The following ZFPM2 variants were observed in gnomAD, a reference collection of about 807,000 sequenced individuals.
ZFPM2 encodes zinc finger protein, FOG family member 2, also known as zinc finger protein ZFPM2.
A neutral mutation model predicts 98.6 loss-of-function variants in ZFPM2; 20 were observed. The observed-to-expected ratio is 0.20, with a 90% CI of 0.14 to 0.29. The LOEUF is 0.29. Among genes scored for constraint, ZFPM2 ranks in the 10% least tolerant of loss-of-function variants. The probability of loss-of-function intolerance (pLI) is 1.00; values close to 1 mark genes in which losing one functional copy is unlikely to be tolerated. For missense variants in ZFPM2, 1,310 were observed against 1,388.6 expected, an observed-to-expected ratio of 0.94 and a Z score of 0.90; for synonymous variants, 518 against 502.7, an observed-to-expected ratio of 1.03 and a Z score of -0.41.
chr8:105,619,783 T>C (rs931551937), intron 4 of ZFPM2, among the ~76,000 whole-genome samples: 7 of 151,908 alleles, frequency 4.6e-5, no homozygotes, highest in African/African-American at 1.7e-4. Flanking sequence ...CATGCGGTGT[T>C]TGGTTTTCTG....
rs1318734938 is a variant in ZFPM2 at position 105,803,930 on chromosome 8, CTTGA to C, written c.*395_*398del. On this transcript the variant is annotated 3_prime_UTR_variant, in exon 8 of 8. Coordinates refer to ENST00000407775, the MANE Select transcript of ZFPM2 (RefSeq NM_012082.4). ...AATAGCTTCAAAAGCACTTGTGTAT[CTTGA>C]TTTTTTCTTATATGCTGTTGCAGAT... 1 of 164,734 alleles carries C rather than the reference CTTGA, an allele frequency of 6.1e-6. No homozygotes were observed. The highest frequency in any genetic ancestry group is 2.4e-5 in the African/African-American group (1 of 41,556). The allele number at this position is 164,734 out of a possible 1,614,324, so 10.2% of individuals were successfully genotyped here.
At chr8:105,451,949 G>A (rs192264675) in intron 3 of ZFPM2, among the ~76,000 whole-genome samples, 18 of 152,206 alleles carry the variant, frequency 1.2e-4, no homozygotes, top group African/African-American at 4.1e-4. Context: ...AAACTGTGTT[G>A]AAACCTTCAA....
intron 4 of ZFPM2, among the ~76,000 whole-genome samples, chr8:105,590,026 A>G (rs182602032): frequency 3.9e-4 from 59 of 152,108 alleles, no homozygotes; most frequent in Middle Eastern, 3.4e-3. Context: ...GGCTTCTTTA[A>G]TTCATTTTCT....
chr8:105,747,196 C>T (rs1006910131), intron 5 of ZFPM2, among the ~76,000 whole-genome samples: 3 of 152,030 alleles, frequency 2.0e-5, no homozygotes, highest in South Asian at 2.1e-4. Flanking sequence ...CACTTCACTG[C>T]TCCCCTTGCC....
At chr8:105,696,915 A>G (rs1811031286) in intron 5 of ZFPM2, among the ~76,000 whole-genome samples, 1 of 152,218 alleles carries the variant, frequency 6.6e-6, no homozygotes, top group South Asian at 2.1e-4. Flanking sequence ...TCAGATAAAT[A>G]AATTGGGGTA....
chr8:105,404,910 A>C (rs1371902734), intron 1 of ZFPM2, among the ~76,000 whole-genome samples: 1 of 152,110 alleles, frequency 6.6e-6, no homozygotes, highest in Non-Finnish European at 1.5e-5. Context: ...TCCAGAACCT[A>C]ATTTAGAGCT....
chr8:105,576,869 T>C (rs981046885), intron 4 of ZFPM2, among the ~76,000 whole-genome samples: 4 of 152,116 alleles, frequency 2.6e-5, no homozygotes, highest in Non-Finnish European at 4.4e-5. Flanking sequence ...TAACTAAATC[T>C]CCAGCCATAT....
chr8:105,557,252 C>G (rs1815016387), intron 3 of ZFPM2, among the ~76,000 whole-genome samples: 1 of 152,092 alleles, frequency 6.6e-6, no homozygotes. Flanking sequence ...ACTCTTTAAT[C>G]CTATGGCTTG....
chr8:105,476,015 T>G (rs1813005981), intron 3 of ZFPM2, among the ~76,000 whole-genome samples: 1 of 152,236 alleles, frequency 6.6e-6, no homozygotes, highest in Non-Finnish European at 1.5e-5. Context: ...GATATTTTTT[T>G]GAAACCTCTA....
At chr8:105,608,723 T>G (rs1232106975) in intron 4 of ZFPM2, among the ~76,000 whole-genome samples, 1 of 151,096 alleles carries the variant, frequency 6.6e-6, no homozygotes, top group Non-Finnish European at 1.5e-5. Context: ...GAAATACAAA[T>G]ATCCAGGAAG....
At chr8:105,449,308 A>G (rs180946448) in intron 3 of ZFPM2, among the ~76,000 whole-genome samples, 1 of 152,150 alleles carries the variant, frequency 6.6e-6, no homozygotes, top group East Asian at 1.9e-4. Context: ...AAGTACATGT[A>G]CCCACCCCCA....
At chr8:105,528,054 A>G (rs1814213530) in intron 3 of ZFPM2, among the ~76,000 whole-genome samples, 1 of 152,168 alleles carries the variant, frequency 6.6e-6, no homozygotes, top group South Asian at 2.1e-4. Flanking sequence ...GGGAGATAGA[A>G]TGTAAACTAG....
chr8:105,680,594 T>G (rs1810578808), intron 5 of ZFPM2, among the ~76,000 whole-genome samples: 3 of 152,162 alleles, frequency 2.0e-5, no homozygotes, highest in African/African-American at 7.2e-5. Context: ...TAGTATTGCC[T>G]TTATTTTGTA....
Position 105,586,495 on chromosome 8 carries a change from T to C in ZFPM2, c.420+25014T>C, listed in dbSNP as rs182637833. 1.8e-3 allele frequency among the ~76,000 whole-genome samples: 269 copies of C among 152,276 alleles called. 2 individuals carry two copies. Among genetic ancestry groups the C allele is most frequent in the Admixed American group, 3.3e-3 (51 of 15,296 alleles). ...TGGAGTGCAGCGGCACAATCTTGGC[T>C]CACTGCAACCTCTGCCTCCTAGATT... is the stretch of plus-strand genomic sequence containing the variant. On this transcript the variant is annotated intron_variant, in intron 4 of 7. Coordinates refer to ENST00000407775, the MANE Select transcript of ZFPM2 (RefSeq NM_012082.4).
At chr8:105,669,236 A>G (rs1817543450) in intron 5 of ZFPM2, among the ~76,000 whole-genome samples, 3 of 152,078 alleles carry the variant, frequency 2.0e-5, no homozygotes, top group South Asian at 2.1e-4. Flanking sequence ...ACAGTCTTCA[A>G]TACATATATA....
chr8:105,769,011 C>G (rs559676450), intron 5 of ZFPM2, among the ~76,000 whole-genome samples: 44 of 151,854 alleles, frequency 2.9e-4, no homozygotes, highest in Admixed American at 2.0e-3. Flanking sequence ...AAAAATGTAC[C>G]TAGAGATTTG....
chr8:105,698,684 A>G (rs955191126), intron 5 of ZFPM2, among the ~76,000 whole-genome samples: 15 of 152,164 alleles, frequency 9.9e-5, no homozygotes, highest in African/African-American at 3.6e-4. Context: ...AAACAAAAAG[A>G]CTTTTGAAGA....
intron 2 of ZFPM2, among the ~76,000 whole-genome samples, chr8:105,442,468 A>G (rs1812274064): frequency 6.6e-6 from 1 of 152,214 alleles, no homozygotes; most frequent in Non-Finnish European, 1.5e-5. Context: ...TTTTCTGTAA[A>G]TATCATCCTG....
rs189263962 is a variant in ZFPM2, at chr8:105,483,658, T to C, written c.301+39277T>C. On this transcript the variant is annotated intron_variant, in intron 3 of 7. Coordinates refer to ENST00000407775, the MANE Select transcript of ZFPM2 (RefSeq NM_012082.4). The stretch of plus-strand genomic sequence containing the variant: ...TCTTTGAAGATATAATTCTATTATT[T>C]TCTGGCTTCTTTTCTTGCTGCTGGA... Among the ~76,000 whole-genome samples, 61 of 152,328 alleles carry C rather than the reference T, an allele frequency of 4.0e-4. 1 individual carries two copies. The highest frequency in any genetic ancestry group is 3.4e-3 in the Middle Eastern group (1 of 294).
Sources: gnomAD v4.1 joint callset for allele counts (sites outside exome capture counted in the v4.1 genomes callset) on GRCh38, gnomAD v4.1.1 for gene constraint, MANE v1.5 for transcripts, NCBI Gene and HGNC (gene_info 2026-07-23, HGNC 2026-07-21) for gene names.